Variants in PPHLN1 observed in about 807,000 individuals in gnomAD.
The protein encoded by PPHLN1 is periphilin-1.
A neutral mutation model predicts 51.3 loss-of-function variants in PPHLN1; 29 were observed. The ratio of observed to expected loss-of-function variants is 0.57; its 90% confidence interval spans 0.42 to 0.77. The LOEUF is 0.77. Among genes scored for constraint, PPHLN1 ranks in the 30% least tolerant of loss-of-function variants. The pLI, the probability that PPHLN1 is intolerant of heterozygous loss-of-function variation, is 0.00. For synonymous variants in PPHLN1, 147 were observed against 147.8 expected (o/e 0.99, Z 0.04); for missense variants, 436 against 438.4 (o/e 0.99, Z 0.05).
chr12:42,339,298 A>G (rs895919481), intron 2 of PPHLN1, among the ~76,000 whole-genome samples: 3 of 151,912 alleles, frequency 2.0e-5, no homozygotes, highest in East Asian at 1.9e-4. Flanking sequence ...TGTTCCCCCA[A>G]TCAGCCTCTC....
chr12:42,416,024 T>C (rs1485601455), intron 9 of PPHLN1, among the ~76,000 whole-genome samples: 6 of 152,158 alleles, frequency 3.9e-5, no homozygotes, highest in East Asian at 1.9e-4. Flanking sequence ...AGGATTCTCA[T>C]AGGTAGAGAT....
chr12:42,444,938 T>A, downstream of PPHLN1: 1 of 638,260 alleles, frequency 1.6e-6, no homozygotes, highest in South Asian at 1.8e-5. Context: ...CGAGATTTAC[T>A]AGTACTCAGA....
chr12:42,334,260 T>G (rs1386424276), intron 1 of PPHLN1, among the ~76,000 whole-genome samples: 1 of 152,236 alleles, frequency 6.6e-6, no homozygotes, highest in Non-Finnish European at 1.5e-5. Context: ...TTCAGTTTTA[T>G]TCATGCATAA....
At chr12:42,351,766 T>G in intron 2 of PPHLN1, 119 bp from the exon 3 acceptor site, 1 of 690,740 alleles carries the variant, frequency 1.4e-6, no homozygotes, top group Non-Finnish European at 2.2e-6. Flanking sequence ...CATTAACGCT[T>G]TTGTTTATAC....
downstream of PPHLN1, chr12:42,444,873 C>T (rs2083216089): frequency 1.7e-5 from 10 of 581,890 alleles, no homozygotes; most frequent in East Asian, 1.7e-4. Flanking sequence ...CGATGGCTCT[C>T]GTAAAAATGG....
chr12:42,334,158 C>T (rs2137753811), intron 1 of PPHLN1, among the ~76,000 whole-genome samples: 1 of 152,246 alleles, frequency 6.6e-6, no homozygotes, highest in Admixed American at 6.5e-5. Context: ...TGACAATTTA[C>T]TTCCCTTTCA....
chr12:42,340,981 T>G (rs2071399361), intron 2 of PPHLN1, among the ~76,000 whole-genome samples: 1 of 137,788 alleles, frequency 7.3e-6, no homozygotes, highest in South Asian at 2.2e-4. Context: ...CTTTCTTTCT[T>G]TCTTTTTTTT....
chr12:42,372,910 C>G (rs989112611), intron 4 of PPHLN1, among the ~76,000 whole-genome samples: 5 of 152,150 alleles, frequency 3.3e-5, no homozygotes, highest in African/African-American at 1.2e-4. Context: ...AGCTTGGCAT[C>G]CCGTCTTTCA....
intron 4 of PPHLN1, among the ~76,000 whole-genome samples, chr12:42,369,726 C>G (rs975767581): frequency 1.3e-5 from 2 of 152,194 alleles, no homozygotes; most frequent in African/African-American, 2.4e-5. Context: ...CCCCAACTTA[C>G]TTGCCTCCTA....
At chr12:42,348,432 T>G (rs1313548187) in intron 2 of PPHLN1, among the ~76,000 whole-genome samples, 3 of 152,000 alleles carry the variant, frequency 2.0e-5, no homozygotes, top group Non-Finnish European at 4.4e-5. Context: ...TTAAACAACT[T>G]AAAGAATGAT....
intron 9 of PPHLN1, chr12:42,399,486 G>A: frequency 1.1e-6 from 1 of 886,618 alleles, no homozygotes. Flanking sequence ...ACTATTATGG[G>A]GTTATTTTCA....
chr12:42,365,802 G>A (rs1462961827), intron 4 of PPHLN1, among the ~76,000 whole-genome samples: 1 of 152,278 alleles, frequency 6.6e-6, no homozygotes, highest in African/African-American at 2.4e-5. Flanking sequence ...ATAATAAAAA[G>A]CATCAGTTTC....
chr12:42,428,707 C>T (rs2081739883), intron 9 of PPHLN1, among the ~76,000 whole-genome samples: 1 of 152,080 alleles, frequency 6.6e-6, no homozygotes, highest in South Asian at 2.1e-4. Context: ...ACCAAAATCT[C>T]ACAGATCACC....
chr12:42,374,911 T>C lies in PPHLN1; in HGVS notation c.348T>C (p.Tyr116=). 1 of 1,613,922 alleles carries C rather than the reference T, an allele frequency of 6.2e-7. No homozygotes were observed. Among genetic ancestry groups the C allele is most frequent in the Non-Finnish European group, 8.5e-7 (1 of 1,179,934 alleles). ...FRRKSFYSSH[Y]ARERSPYKRD... ...GAAAAAGTTTCTACTCTTCCCATTATGCGAGAGAGCGGTCTCCTTATAAAA... is the reference window on the plus strand; with the variant it reads ...GAAAAAGTTTCTACTCTTCCCATTACGCGAGAGAGCGGTCTCCTTATAAAA... The change falls in exon 5 of 10, where the codon TAT becomes TAC. Residue 116 remains tyrosine (Y), a synonymous_variant. Coordinates refer to ENST00000358314, the MANE Select transcript of PPHLN1 (RefSeq NM_201439.2).
At chr12:42,413,816 G>A (rs2080115624) in intron 9 of PPHLN1, among the ~76,000 whole-genome samples, 1 of 152,034 alleles carries the variant, frequency 6.6e-6, no homozygotes, top group South Asian at 2.1e-4. Context: ...GCCCACCTCA[G>A]CCTCCCAAAG....
intron 9 of PPHLN1, chr12:42,399,325 T>C: frequency 1.2e-6 from 1 of 860,460 alleles, no homozygotes; most frequent in Admixed American, 6.0e-5. Flanking sequence ...CAAATGTTAT[T>C]TTTGAATATT....
At position 42,374,844 on chromosome 12, in the gene PPHLN1, G is replaced by GA; in HGVS notation, c.300-19_300-18insA. 7.6e-7 allele frequency: 1 copy of GA among 1,319,386 alleles called. No individual in the cohort carries two copies. The highest frequency in any genetic ancestry group is 1.0e-6 in the Non-Finnish European group (1 of 957,234). The allele number at this position is 1,319,386 out of a possible 1,614,324, so 81.7% of individuals were successfully genotyped here. On this transcript the variant is annotated intron_variant, in intron 4 of 9. Transcript: ENST00000358314. ...ATAGAGTATAATTAACTTATTTTAT[G>GA]TTTTTTTTTTTTTCAAAGGGACATG... is the stretch of plus-strand genomic sequence containing the variant.
At chr12:42,414,895 C>CAA (rs2080233322) in intron 9 of PPHLN1, among the ~76,000 whole-genome samples, 2 of 152,122 alleles carry the variant, frequency 1.3e-5, no homozygotes, top group South Asian at 2.1e-4. Flanking sequence ...GATTGTTTAT[C>CAA]GCTCATGTTA....
Position 42,432,004 on chromosome 12 carries a change from CGCTGTATGGATT to C in PPHLN1, c.910-9305_910-9294del, listed in dbSNP as rs1291585940. The C allele has an allele frequency of 1.4e-5, 21 of 1,488,464 alleles. No homozygotes were observed. In the African/African-American group the frequency reaches 2.2e-4, roughly 16 times the overall value. 92.2% of individuals were successfully genotyped at this position (1,488,464 alleles called of 1,614,324 possible). On this transcript the variant is annotated intron_variant, in intron 9 of 9. Transcript: ENST00000358314. ...CTGATCTGATTCTGATTATCAAGTA[CGCTGTATGGATT>C]GCTGTCTGGATCTTTGGGCACAGAA...
Sources: gnomAD v4.1 joint callset for allele counts (sites outside exome capture counted in the v4.1 genomes callset) on GRCh38, gnomAD v4.1.1 for gene constraint, MANE v1.5 for transcripts, NCBI Gene and HGNC (gene_info 2026-07-23, HGNC 2026-07-21) for gene names.